Variants in ZNF536 observed in about 807,000 individuals in gnomAD.
The protein encoded by ZNF536 is zinc finger protein 536.
In ZNF536, 13 loss-of-function variants were observed where a neutral mutation model predicts 84.5. That is an observed-to-expected ratio of 0.15 (90% CI 0.10 to 0.24). ZNF536 has a LOEUF of 0.24. ZNF536 is among the 10% of genes least tolerant of loss of function. The probability of loss-of-function intolerance (pLI) is 1.00; values close to 1 mark genes in which losing one functional copy is unlikely to be tolerated. For synonymous variants in ZNF536, 811 were observed against 742.5 expected (o/e 1.09, Z -1.50); for missense variants, 1,536 against 1,747.5 (o/e 0.88, Z 2.16).
At chr19:30,356,693 C>T (rs1427013884) in intron 3 of ZNF536, among the ~76,000 whole-genome samples, 2 of 152,186 alleles carry the variant, frequency 1.3e-5, no homozygotes, top group African/African-American at 4.8e-5. Flanking sequence ...AGGGAGAAAA[C>T]CAAAATCAGA....
At chr19:30,233,852 C>G (rs769934322) in intron 1 of ZNF536, among the ~76,000 whole-genome samples, 2 of 152,154 alleles carry the variant, frequency 1.3e-5, no homozygotes, top group African/African-American at 4.8e-5. Context: ...AAGCATCTCC[C>G]GTGACCCACG....
At chr19:30,484,419 G>A (rs1398296634) in intron 2 of ZNF536, among the ~76,000 whole-genome samples, 16 of 117,246 alleles carry the variant, frequency 1.4e-4, no homozygotes, top group African/African-American at 6.8e-4. Flanking sequence ...TGTATTTTTA[G>A]TAGAGACAGG....
At chr19:30,547,105 C>T (rs1385324176) in intron 3 of ZNF536, among the ~76,000 whole-genome samples, 2 of 152,154 alleles carry the variant, frequency 1.3e-5, no homozygotes, top group African/African-American at 2.4e-5. Context: ...ATTTTACTAC[C>T]GGAGCATTAG....
intron 3 of ZNF536, among the ~76,000 whole-genome samples, chr19:30,547,212 T>C (rs1176106948): frequency 6.6e-5 from 10 of 152,224 alleles, no homozygotes; most frequent in Non-Finnish European, 2.9e-5. Flanking sequence ...TTTTTATTAC[T>C]CATTTTCTTT....
intron 1 of ZNF536, among the ~76,000 whole-genome samples, chr19:30,594,867 G>C (rs887434097): frequency 6.6e-6 from 1 of 152,038 alleles, no homozygotes; most frequent in African/African-American, 2.4e-5. Flanking sequence ...TGTAAGGTGT[G>C]GGATTCGAGG....
At chr19:30,576,808 G>A (rs895824808) in intron 1 of ZNF536, among the ~76,000 whole-genome samples, 6 of 152,206 alleles carry the variant, frequency 3.9e-5, no homozygotes, top group South Asian at 2.1e-4. Context: ...CAACTCAGCC[G>A]TCTTCCAAGG....
chr19:30,443,962 C>A lies in ZNF536; in HGVS notation c.400C>A (p.Leu134Ile), dbSNP rs778595563. 11 of 1,613,648 alleles carry A rather than the reference C, an allele frequency of 6.8e-6. No homozygotes were observed. The South Asian group carries it at 1.1e-4, about 16-fold the overall frequency. Residue 134 changes from leucine (L) to isoleucine (I), a missense_variant, in exon 2 of 5, where the codon CTC becomes ATC. By Grantham distance (5) the Leu-to-Ile change is conservative. Coordinates refer to ENST00000355537, the MANE Select transcript of ZNF536 (RefSeq NM_014717.3). ...ARKNRKYPCPLCGKRFRFNSI... is the reference protein window; with the variant it reads ...ARKNRKYPCPICGKRFRFNSI... ...CAAGAACCGCAAGTACCCGTGCCCA[C>A]TCTGCGGCAAGCGCTTCCGCTTCAA...
intron 1 of ZNF536, among the ~76,000 whole-genome samples, chr19:30,249,985 A>T (rs1386135049): frequency 1.3e-5 from 2 of 152,158 alleles, no homozygotes; most frequent in Non-Finnish European, 2.9e-5. Context: ...AGTAGAGGAG[A>T]TGTAAGAACA....
At chr19:30,622,793 G>A (rs1321474083) in intron 1 of ZNF536, among the ~76,000 whole-genome samples, 1 of 152,046 alleles carries the variant, frequency 6.6e-6, no homozygotes, top group African/African-American at 2.4e-5. Flanking sequence ...CAGGCTGCTG[G>A]CCCTGACAGA....
chr19:30,472,652 A>G (rs1272133664), intron 2 of ZNF536, among the ~76,000 whole-genome samples: 3 of 152,182 alleles, frequency 2.0e-5, no homozygotes, highest in African/African-American at 4.8e-5. Context: ...GATGTGATCA[A>G]ATGGACAATT....
chr19:30,519,096 G>C (rs1474843088), intron 2 of ZNF536, among the ~76,000 whole-genome samples: 1 of 152,220 alleles, frequency 6.6e-6, no homozygotes, highest in Non-Finnish European at 1.5e-5. Context: ...GGCCTGAGGT[G>C]CTGCCCCAGG....
intron 2 of ZNF536, among the ~76,000 whole-genome samples, chr19:30,302,928 C>G (rs1356683085): frequency 6.6e-6 from 1 of 152,134 alleles, no homozygotes; most frequent in African/African-American, 2.4e-5. Flanking sequence ...CCCTTTTTAC[C>G]CCCTGCTGAA....
intron 2 of ZNF536, among the ~76,000 whole-genome samples, chr19:30,307,176 C>T (rs1473014457): frequency 1.3e-5 from 2 of 151,956 alleles, no homozygotes; most frequent in African/African-American, 2.4e-5. Context: ...GAGAAGTTTA[C>T]AATTAGTCCC....
chr19:30,553,172 C>CCATTT (rs1310043453), intron 4 of ZNF536, among the ~76,000 whole-genome samples: 1 of 152,180 alleles, frequency 6.6e-6, no homozygotes, highest in Non-Finnish European at 1.5e-5. Context: ...GGATAGACTC[C>CCATTT]ACATGAGTAT....
At chr19:30,439,812 C>T (rs889783536) in intron 1 of ZNF536, among the ~76,000 whole-genome samples, 6 of 152,248 alleles carry the variant, frequency 3.9e-5, no homozygotes, top group Admixed American at 3.9e-4. Flanking sequence ...GGAACCATTG[C>T]TGTGTCTCCT....
At chr19:30,637,565 C>T (rs2049112042) in intron 1 of ZNF536, among the ~76,000 whole-genome samples, 1 of 152,214 alleles carries the variant, frequency 6.6e-6, no homozygotes. Flanking sequence ...TTGGATAAAG[C>T]AAGCATTCAT....
intron 1 of ZNF536, among the ~76,000 whole-genome samples, chr19:30,237,481 G>T (rs927219459): frequency 1.3e-5 from 2 of 152,160 alleles, no homozygotes; most frequent in African/African-American, 4.8e-5. Flanking sequence ...GAGCTTAAAC[G>T]TGAAGGTATT....
chr19:30,605,553 C>T (rs1354692138), intron 1 of ZNF536, among the ~76,000 whole-genome samples: 1 of 152,154 alleles, frequency 6.6e-6, no homozygotes, highest in East Asian at 1.9e-4. Flanking sequence ...TTCCATGGCA[C>T]ATATATACTG....
chr19:30,359,419 T>A (rs117759247), intron 3 of ZNF536, among the ~76,000 whole-genome samples: 1,730 of 152,248 alleles, frequency 0.011, 18 homozygotes, highest in Non-Finnish European at 0.02. Flanking sequence ...GGCCCTGAGT[T>A]CTCCTGCTGC....
Sources: allele counts gnomAD v4.1 joint callset (sites outside exome capture counted in the v4.1 genomes callset), GRCh38; gene constraint gnomAD v4.1.1; transcripts MANE v1.5; gene names NCBI Gene and HGNC (gene_info 2026-07-23, HGNC 2026-07-21).